Variants in CEP162 observed in about 807,000 individuals in gnomAD.
CEP162 encodes centrosomal protein of 162 kDa.
A neutral mutation model predicts 169.2 loss-of-function variants in CEP162; 141 were observed. That is an observed-to-expected ratio of 0.83 (90% CI 0.73 to 0.96). CEP162 has a LOEUF of 0.96. Among genes scored for constraint, CEP162 ranks in the 40% least tolerant of loss-of-function variants. CEP162 has a pLI of 0.00. For synonymous variants in CEP162, 540 were observed against 526.4 expected, an observed-to-expected ratio of 1.03 and a Z score of -0.35; for missense variants, 1,600 against 1,587.2, an observed-to-expected ratio of 1.01 and a Z score of -0.14.
chr6:84,181,302 T>C (rs911245923), intron 13 of CEP162, among the ~76,000 whole-genome samples: 1 of 152,164 alleles, frequency 6.6e-6, no homozygotes, highest in Non-Finnish European at 1.5e-5. Flanking sequence ...TAGCCATATG[T>C]AGAAAGCTGA....
chr6:84,132,362 T>C (rs1259498035), intron 25 of CEP162, among the ~76,000 whole-genome samples: 2 of 152,232 alleles, frequency 1.3e-5, no homozygotes, highest in African/African-American at 4.8e-5. Flanking sequence ...TGGTGTTCTC[T>C]GTATTTCCTG....
intron 13 of CEP162, among the ~76,000 whole-genome samples, chr6:84,184,156 T>C (rs1049687277): frequency 6.6e-6 from 1 of 152,142 alleles, no homozygotes; most frequent in Non-Finnish European, 1.5e-5. Context: ...GCTCCTCTAC[T>C]CAAAAACATT....
At chr6:84,144,467 T>G (rs2099517994) in intron 25 of CEP162, among the ~76,000 whole-genome samples, 1 of 152,124 alleles carries the variant, frequency 6.6e-6, no homozygotes, top group Non-Finnish European at 1.5e-5. Flanking sequence ...TATGGCTAGT[T>G]TAAAGTCTTA....
In CEP162 at chr6:84,133,202, G is replaced by A. The variant is rs538993378; in HGVS notation, c.3871-6690C>T. 9.8e-5 allele frequency among the ~76,000 whole-genome samples: 15 copies of A among 152,310 alleles called. No homozygotes were observed. In the East Asian group the frequency reaches 2.9e-3, roughly 29 times the overall value. ...ATATTGCAGAACAGCAAATGTTGCT[G>A]CCTGATCCTTCCTCTGGGAGCTTTG... On this transcript the variant is annotated intron_variant, in intron 25 of 26. Coordinates refer to ENST00000403245, the MANE Select transcript of CEP162 (RefSeq NM_014895.4).
At chr6:84,137,349 A>C (rs1018793786) in intron 25 of CEP162, among the ~76,000 whole-genome samples, 3 of 152,172 alleles carry the variant, frequency 2.0e-5, no homozygotes, top group African/African-American at 7.2e-5. Context: ...ATTTAAACCC[A>C]GATCTTATAA....
intron 16 of CEP162, among the ~76,000 whole-genome samples, chr6:84,173,668 A>G (rs1335859649): frequency 1.3e-5 from 2 of 151,154 alleles, no homozygotes; most frequent in Non-Finnish European, 2.9e-5. Context: ...AAATAAGCAG[A>G]GAAGTATTTT....
rs182590762 is a variant in CEP162, at chr6:84,181,444, A to G, written c.1663+3743T>C. On this transcript the variant is annotated intron_variant, in intron 13 of 26. Coordinates refer to ENST00000403245, the MANE Select transcript of CEP162 (RefSeq NM_014895.4). ...TACCATTCAGGACATAGGCATGGGC[A>G]AGGACTTCATGTCTAAAACACCAAA... Among the ~76,000 whole-genome samples the G allele has an allele frequency of 5.9e-4, 90 of 152,342 alleles. 1 individual carries two copies. The highest frequency in any genetic ancestry group is 2.1e-3 in the African/African-American group (88 of 41,584).
At position 84,147,300 on chromosome 6, in the gene CEP162, G is replaced by A. The variant is rs184259488; in HGVS notation, c.3772-515C>T. On this transcript the variant is annotated intron_variant, in intron 24 of 26. Transcript: ENST00000403245. ...TAAAAAACTTGATCTCATGAACACAGAGAATAGAACAATAGATACCAGAGA... is the reference window on the plus strand; with the variant it reads ...TAAAAAACTTGATCTCATGAACACAAAGAATAGAACAATAGATACCAGAGA... 1.9e-3 allele frequency among the ~76,000 whole-genome samples: 292 copies of A among 152,218 alleles called. 1 individual carries two copies. The highest frequency in any genetic ancestry group is 6.8e-3 in the Middle Eastern group (2 of 294).
intron 25 of CEP162, among the ~76,000 whole-genome samples, chr6:84,131,632 C>CT (rs1183048056): frequency 1.3e-5 from 2 of 151,620 alleles, no homozygotes; most frequent in Non-Finnish European, 2.9e-5. Context: ...GGTTTAAAGT[C>CT]TTTTTTATCA....
intron 6 of CEP162, among the ~76,000 whole-genome samples, chr6:84,211,791 T>G (rs1001657077): frequency 3.3e-5 from 5 of 151,750 alleles, no homozygotes; most frequent in Non-Finnish European, 5.9e-5. Context: ...AAAATATTTT[T>G]TATTTTGATG....
intron 21 of CEP162, among the ~76,000 whole-genome samples, chr6:84,158,685 G>A (rs1371126427): frequency 1.3e-5 from 2 of 151,984 alleles, no homozygotes; most frequent in African/African-American, 2.4e-5. Flanking sequence ...GTAGGTATAT[G>A]AAAATACATG....
At chr6:84,215,703 GATA>G in intron 4 of CEP162, 70 bp downstream of exon 4, 1 of 1,499,178 alleles carries the variant, frequency 6.7e-7, no homozygotes, top group Non-Finnish European at 8.9e-7. Flanking sequence ...GAGGCTTCAA[GATA>G]ATTTTTGTAA....
chr6:84,186,303 CTCAAA>C lies in CEP162; in HGVS notation c.1401+24_1401+28del, dbSNP rs948676572. ...TTTACATAACTTCGGTTCTCAATCT[CTCAAA>C]TCAATTTGATGATAAATACTTACTT... On this transcript the variant is annotated intron_variant, in intron 12 of 26. Transcript: ENST00000403245. 1.3e-5 allele frequency: 16 copies of C among 1,276,488 alleles called. No homozygotes were observed. The Middle Eastern group carries it at 7.1e-4, about 56-fold the overall frequency. The allele number at this position is 1,276,488 out of a possible 1,614,324, so 79.1% of individuals were successfully genotyped here.
intron 23 of CEP162, among the ~76,000 whole-genome samples, chr6:84,150,994 G>T (rs968834411): frequency 6.6e-6 from 1 of 152,108 alleles, no homozygotes; most frequent in Admixed American, 6.6e-5. Flanking sequence ...GTACATATTA[G>T]TAAGTTATGT....
chr6:84,169,240 GTAATTTTT>G, intron 18 of CEP162, 80 bp downstream of exon 18: 2 of 734,188 alleles, frequency 2.7e-6, no homozygotes, highest in South Asian at 3.9e-5. Flanking sequence ...ACATTTCTAT[GTAATTTTT>G]TAATAAAAAT....
intron 18 of CEP162, among the ~76,000 whole-genome samples, chr6:84,164,608 A>C (rs2099527065): frequency 6.6e-6 from 1 of 152,180 alleles, no homozygotes; most frequent in Admixed American, 6.5e-5. Flanking sequence ...AGAAAACCGA[A>C]CACTGCATGT....
chr6:84,215,227 C>T, intron 5 of CEP162, 55 bp downstream of exon 5: 1 of 973,972 alleles, frequency 1.0e-6, no homozygotes, highest in South Asian at 2.6e-5. Flanking sequence ...CATATATCAG[C>T]CTTCCAAAAA....
At chr6:84,149,114 T>C (rs2099520162) in intron 24 of CEP162, among the ~76,000 whole-genome samples, 1 of 152,090 alleles carries the variant, frequency 6.6e-6, no homozygotes, top group Non-Finnish European at 1.5e-5. Context: ...CAGTGCCTGA[T>C]TGTCTATTGA....
At chr6:84,187,480 T>C (rs2099537689) in intron 11 of CEP162, among the ~76,000 whole-genome samples, 1 of 152,234 alleles carries the variant, frequency 6.6e-6, no homozygotes, top group African/African-American at 2.4e-5. Flanking sequence ...TCCTTCTTCA[T>C]AGCAGCAGAA....
Sources: allele counts gnomAD v4.1 joint callset (sites outside exome capture counted in the v4.1 genomes callset), GRCh38; gene constraint gnomAD v4.1.1; transcripts MANE v1.5; gene names NCBI Gene and HGNC (gene_info 2026-07-23, HGNC 2026-07-21).